The following GALNTL6 variants were observed in gnomAD, a reference collection of about 807,000 sequenced individuals.
The protein encoded by GALNTL6 is polypeptide N-acetylgalactosaminyltransferase-like 6.
GALNTL6 carries 46 observed loss-of-function variants against 73.7 expected under a neutral mutation model. The observed-to-expected ratio is 0.62, with a 90% confidence interval of 0.49 to 0.80. GALNTL6 has a LOEUF of 0.80. Among genes scored for constraint, GALNTL6 ranks in the 30% least tolerant of loss-of-function variants. GALNTL6 has a pLI of 0.00. For synonymous variants in GALNTL6, 259 were observed against 263.7 expected, an observed-to-expected ratio of 0.98 and a Z score of 0.17; for missense variants, 604 against 755.0, an observed-to-expected ratio of 0.80 and a Z score of 2.34.
intron 2 of GALNTL6, among the ~76,000 whole-genome samples, chr4:172,168,348 C>A (rs901217590): frequency 2.0e-5 from 3 of 152,152 alleles, no homozygotes; most frequent in Non-Finnish European, 4.4e-5. Context: ...GTGGCAAAAT[C>A]TCTGCTCACT....
chr4:172,796,612 C>G (rs1436012502), intron 5 of GALNTL6, among the ~76,000 whole-genome samples: 1 of 152,132 alleles, frequency 6.6e-6, no homozygotes, highest in African/African-American at 2.4e-5. Context: ...AGATTTTAAA[C>G]CAAGACAATT....
At chr4:172,300,347 A>G (rs983046970) in intron 3 of GALNTL6, among the ~76,000 whole-genome samples, 28 of 152,094 alleles carry the variant, frequency 1.8e-4, no homozygotes, top group East Asian at 1.9e-4. Context: ...GTGTCTTTTA[A>G]TTGGAGGATT....
intron 3 of GALNTL6, among the ~76,000 whole-genome samples, chr4:172,275,243 A>G (rs1311617739): frequency 2.0e-5 from 3 of 152,242 alleles, no homozygotes; most frequent in African/African-American, 4.8e-5. Context: ...AAGTATATCA[A>G]ATGAAATCAG....
chr4:172,821,043 C>A (rs141130196), intron 7 of GALNTL6, among the ~76,000 whole-genome samples: 2 of 152,158 alleles, frequency 1.3e-5, no homozygotes, highest in African/African-American at 4.8e-5. Context: ...ATTAAACTGG[C>A]CAAAGAATCT....
chr4:172,829,019 C>A (rs1426949489), intron 7 of GALNTL6, among the ~76,000 whole-genome samples: 1 of 152,232 alleles, frequency 6.6e-6, no homozygotes, highest in South Asian at 2.1e-4. Flanking sequence ...CCTCTCTTAG[C>A]TTCTCCAAGC....
Position 172,693,561 on chromosome 4 carries a change from A to G in GALNTL6, c.554-115800A>G, listed in dbSNP as rs149069569. On this transcript the variant is annotated intron_variant, in intron 5 of 12. Coordinates refer to ENST00000506823, the MANE Select transcript of GALNTL6 (RefSeq NM_001034845.3). ...ATATCTCCCCACTGCCTCTTGGGCCACATATAGACACCTTAACTCACCCCA... is the reference window on the plus strand; with the variant it reads ...ATATCTCCCCACTGCCTCTTGGGCCGCATATAGACACCTTAACTCACCCCA... Among the ~76,000 whole-genome samples the G allele has an allele frequency of 5.1e-3, 784 of 152,316 alleles. 17 individuals are homozygous for G. The highest frequency in any genetic ancestry group is 1.4e-3 in the Non-Finnish European group (92 of 68,038).
chr4:173,002,103 A>G (rs1269043137), intron 10 of GALNTL6, among the ~76,000 whole-genome samples: 1 of 152,240 alleles, frequency 6.6e-6, no homozygotes, highest in Non-Finnish European at 1.5e-5. Flanking sequence ...GCCAAAAAGT[A>G]GAAACAGGCC....
chr4:172,219,199 G>T (rs1351304850), intron 2 of GALNTL6, among the ~76,000 whole-genome samples: 1 of 116,206 alleles, frequency 8.6e-6, no homozygotes, highest in Non-Finnish European at 1.8e-5. Flanking sequence ...TTAAGCAAGT[G>T]TATATATATA....
chr4:172,292,838 A>G (rs1739520596), intron 3 of GALNTL6, among the ~76,000 whole-genome samples: 1 of 152,174 alleles, frequency 6.6e-6, no homozygotes. Context: ...TCTTCATTCA[A>G]AAATTTTACC....
rs770886009 is a variant in GALNTL6, at chr4:172,824,377, AGT to A, written c.923+10671_923+10672del. The stretch of plus-strand genomic sequence containing the variant: ...CCATGGTATAGTGTGTGTGTGTGTG[AGT>A]GTGTGTGTGTGTGTGTTTGTGTGTG... On this transcript the variant is annotated intron_variant, in intron 7 of 12. Coordinates refer to ENST00000506823, the MANE Select transcript of GALNTL6 (RefSeq NM_001034845.3). Among the ~76,000 whole-genome samples, 137 of 80,074 alleles carry A rather than the reference AGT, an allele frequency of 1.7e-3. 1 individual carries two copies. Among genetic ancestry groups the A allele is most frequent in the African/African-American group, 4.7e-3 (39 of 8,340 alleles). The allele number at this position is 80,074 out of a possible 152,430, so 52.5% of individuals were successfully genotyped here. A position where few individuals can be genotyped will look rare whatever the true frequency, so the allele number is the denominator to read the frequency against.
chr4:171,898,002 C>T (rs1044025043), intron 2 of GALNTL6, among the ~76,000 whole-genome samples: 6 of 151,584 alleles, frequency 4.0e-5, no homozygotes, highest in African/African-American at 9.7e-5. Context: ...AACAAAGGAT[C>T]GTTTCCAAAA....
chr4:172,257,344 C>A (rs1195437581), intron 3 of GALNTL6, among the ~76,000 whole-genome samples: 1 of 151,314 alleles, frequency 6.6e-6, no homozygotes, highest in Non-Finnish European at 1.5e-5. Flanking sequence ...TCAATTTTTA[C>A]CTTTCATGAA....
intron 4 of GALNTL6, among the ~76,000 whole-genome samples, chr4:172,328,274 G>T: frequency 6.6e-6 from 1 of 152,008 alleles, no homozygotes; most frequent in Non-Finnish European, 1.5e-5. Flanking sequence ...ACCTGATGGG[G>T]TTCCCTTTGT....
At chr4:171,915,065 T>C (rs1406510150) in intron 2 of GALNTL6, among the ~76,000 whole-genome samples, 1 of 152,146 alleles carries the variant, frequency 6.6e-6, no homozygotes, top group Non-Finnish European at 1.5e-5. Context: ...TACAGATTTT[T>C]AAAGTTCGAA....
chr4:172,130,006 G>C (rs1483868865), intron 2 of GALNTL6, among the ~76,000 whole-genome samples: 1 of 152,082 alleles, frequency 6.6e-6, no homozygotes, highest in African/African-American at 2.4e-5. Flanking sequence ...GAATACACAC[G>C]GCAAAGTAAA....
At chr4:172,289,185 T>A (rs983288654) in intron 3 of GALNTL6, among the ~76,000 whole-genome samples, 4 of 152,220 alleles carry the variant, frequency 2.6e-5, no homozygotes, top group African/African-American at 9.6e-5. Context: ...AAATCAAAAT[T>A]AATTGTAAAG....
At chr4:172,064,133 A>G (rs1183829441) in intron 2 of GALNTL6, among the ~76,000 whole-genome samples, 2 of 152,236 alleles carry the variant, frequency 1.3e-5, no homozygotes, top group East Asian at 3.8e-4. Context: ...TGCTAAATAT[A>G]AACCCTTGAT....
intron 4 of GALNTL6, among the ~76,000 whole-genome samples, chr4:172,312,826 T>G (rs949978049): frequency 6.6e-6 from 1 of 152,178 alleles, no homozygotes; most frequent in African/African-American, 2.4e-5. Context: ...ACTGTTTTTC[T>G]CCTCATGTTT....
intron 11 of GALNTL6, among the ~76,000 whole-genome samples, chr4:173,014,661 T>C (rs1752703300): frequency 6.6e-6 from 1 of 152,184 alleles, no homozygotes; most frequent in Non-Finnish European, 1.5e-5. Context: ...ATGCTGTATC[T>C]CAGGTTTCTG....
Sources: allele counts gnomAD v4.1 joint callset (sites outside exome capture counted in the v4.1 genomes callset), GRCh38; gene constraint gnomAD v4.1.1; transcripts MANE v1.5; gene names NCBI Gene and HGNC (gene_info 2026-07-23, HGNC 2026-07-21).